The following CREB5 variants were observed in gnomAD, a reference collection of about 807,000 sequenced individuals.
CREB5 encodes cAMP responsive element binding protein 5.
A neutral mutation model predicts 57.1 loss-of-function variants in CREB5; 19 were observed. The ratio of observed to expected loss-of-function variants is 0.33; its 90% CI spans 0.23 to 0.49. CREB5 has a LOEUF of 0.49. Among genes scored for constraint, CREB5 ranks in the 20% least tolerant of loss-of-function variants. The pLI, the probability that CREB5 is intolerant of heterozygous loss-of-function variation, is 0.99. For synonymous variants in CREB5, 238 were observed against 238.3 expected (o/e 1.00, Z 0.01); for missense variants, 579 against 671.6 (o/e 0.86, Z 1.52).
chr7:28,306,546 G>T (rs13226794), intron 1 of CREB5, among the ~76,000 whole-genome samples: 8,708 of 93,316 alleles, frequency 0.093, 884 homozygotes, highest in South Asian at 0.12. Context: ...ATACAGTTTT[G>T]TTTTTTTTGT....
At chr7:28,548,497 G>A (rs1267784445) in intron 4 of CREB5, among the ~76,000 whole-genome samples, 2 of 152,164 alleles carry the variant, frequency 1.3e-5, no homozygotes, top group East Asian at 3.8e-4. Context: ...AATAATTATA[G>A]TAAGATAATT....
chr7:28,382,976 T>C (rs1331411855), intron 1 of CREB5, among the ~76,000 whole-genome samples: 1 of 152,148 alleles, frequency 6.6e-6, no homozygotes, highest in Non-Finnish European at 1.5e-5. Flanking sequence ...GGCTACATTC[T>C]ATGTAGGGTT....
chr7:28,627,093 G>A (rs1318522094), intron 5 of CREB5, among the ~76,000 whole-genome samples: 1 of 152,204 alleles, frequency 6.6e-6, no homozygotes, highest in East Asian at 1.9e-4. Flanking sequence ...CTACGCCCCT[G>A]GCCTTCTGCC....
chr7:28,601,543 G>A (rs1023012301), intron 5 of CREB5, among the ~76,000 whole-genome samples: 9 of 152,122 alleles, frequency 5.9e-5, no homozygotes, highest in African/African-American at 2.2e-4. Flanking sequence ...AATAATAATA[G>A]AGGCAATTTC....
At chr7:28,816,769 A>T (rs909748818) in intron 9 of CREB5, among the ~76,000 whole-genome samples, 7 of 152,362 alleles carry the variant, frequency 4.6e-5, no homozygotes, top group Admixed American at 4.6e-4. Flanking sequence ...AAGTGTAGGT[A>T]CAACTTAATG....
rs1562797049 is a variant in CREB5 at position 28,560,831 on chromosome 7, C to CGTGTGTGTGT, written c.292-9533_292-9532insTGTGTGTGTG. ...GCGCGTGTGTGTGTGTGCGCGCGCG[C>CGTGTGTGTGT]GCGTGTGTGTGTGCGCGTGTGTGTG... On this transcript the variant is annotated intron_variant, in intron 4 of 10. Transcript: ENST00000357727. Among the ~76,000 whole-genome samples the CGTGTGTGTGT allele has an allele frequency of 5.3e-4, 31 of 58,940 alleles. 1 individual carries two copies. The highest frequency in any genetic ancestry group is 6.6e-4 in the Non-Finnish European group (19 of 28,912). 38.7% of individuals were successfully genotyped at this position (58,940 alleles called of 152,430 possible). A position where few individuals can be genotyped will look rare whatever the true frequency, so the allele number is the denominator to read the frequency against.
chr7:28,719,617 C>T (rs1167630229), intron 6 of CREB5, among the ~76,000 whole-genome samples: 2 of 152,134 alleles, frequency 1.3e-5, no homozygotes, highest in Non-Finnish European at 2.9e-5. Flanking sequence ...GTTTTTATAC[C>T]TATTTTCCAG....
At chr7:28,795,547 C>A (rs1807979241) in intron 7 of CREB5, among the ~76,000 whole-genome samples, 1 of 152,140 alleles carries the variant, frequency 6.6e-6, no homozygotes. Flanking sequence ...CATTGTAGGG[C>A]AAATATCTTT....
intron 5 of CREB5, among the ~76,000 whole-genome samples, chr7:28,612,938 A>C (rs1562527393): frequency 6.6e-6 from 1 of 152,190 alleles, no homozygotes; most frequent in East Asian, 1.9e-4. Flanking sequence ...ATGTATTGAA[A>C]ATTTTGGCCA....
chr7:28,408,873 C>T (rs1787649918), upstream of CREB5, among the ~76,000 whole-genome samples: 1 of 152,124 alleles, frequency 6.6e-6, no homozygotes, highest in African/African-American at 2.4e-5. Context: ...AGCTGGACAT[C>T]CTCCGGTGGG....
At chr7:28,417,435 T>C (rs991475119) in intron 1 of CREB5, among the ~76,000 whole-genome samples, 2 of 151,968 alleles carry the variant, frequency 1.3e-5, no homozygotes, top group African/African-American at 2.4e-5. Context: ...ACTAGCCACA[T>C]TTCAAGTGCT....
intron 1 of CREB5, among the ~76,000 whole-genome samples, chr7:28,345,522 C>G (rs12539544): frequency 0.11 from 16,587 of 152,066 alleles, 1,033 homozygotes; most frequent in Middle Eastern, 0.15. Context: ...CCAGGCTTGA[C>G]CTCAATTTAT....
chr7:28,321,570 C>T (rs987184683), intron 1 of CREB5, among the ~76,000 whole-genome samples: 8 of 152,146 alleles, frequency 5.3e-5, no homozygotes, highest in Non-Finnish European at 1.0e-4. Context: ...TGTGAGTGTG[C>T]GCCCAACTCC....
chr7:28,584,075 T>C (rs542901532), intron 5 of CREB5, among the ~76,000 whole-genome samples: 4 of 152,240 alleles, frequency 2.6e-5, no homozygotes, highest in African/African-American at 9.6e-5. Flanking sequence ...CAATTTCACC[T>C]CTACCACAGT....
At chr7:28,342,265 T>C (rs796187988) in intron 1 of CREB5, among the ~76,000 whole-genome samples, 7 of 152,334 alleles carry the variant, frequency 4.6e-5, no homozygotes, top group African/African-American at 1.7e-4. Flanking sequence ...GATGTGGCTA[T>C]CATCCTTGGT....
At chr7:28,407,253 G>T (rs1011281288) in intron 1 of CREB5, among the ~76,000 whole-genome samples, 1 of 152,244 alleles carries the variant, frequency 6.6e-6, no homozygotes, top group Non-Finnish European at 1.5e-5. Context: ...GTTTCACCAT[G>T]TTGGTCAGGC....
At chr7:28,803,752 T>C (rs1230433243) in intron 7 of CREB5, among the ~76,000 whole-genome samples, 1 of 77,852 alleles carries the variant, frequency 1.3e-5, no homozygotes, top group African/African-American at 9.0e-5. Flanking sequence ...CAAGACTCCA[T>C]CTCAAAAAAA....
At chr7:28,596,194 C>G (rs1796687332) in intron 5 of CREB5, among the ~76,000 whole-genome samples, 3 of 152,090 alleles carry the variant, frequency 2.0e-5, no homozygotes, top group Admixed American at 2.0e-4. Context: ...TGAGCAGTCC[C>G]CTAAATCAAT....
At chr7:28,548,686 T>C (rs1384788574) in intron 4 of CREB5, among the ~76,000 whole-genome samples, 1 of 151,842 alleles carries the variant, frequency 6.6e-6, no homozygotes, top group African/African-American at 2.4e-5. Flanking sequence ...TTGGAAAACA[T>C]AGCAGATTCT....
Sources: allele counts gnomAD v4.1 joint callset (sites outside exome capture counted in the v4.1 genomes callset), GRCh38; gene constraint gnomAD v4.1.1; transcripts MANE v1.5; gene names NCBI Gene and HGNC (gene_info 2026-07-23, HGNC 2026-07-21).